The following CSMD1 variants were observed in gnomAD, a reference collection of about 807,000 sequenced individuals.
The protein encoded by CSMD1 is CUB and Sushi multiple domains 1.
In CSMD1, 213 loss-of-function variants were observed where a neutral mutation model predicts 417.5. The observed-to-expected ratio is 0.51, with a 90% CI of 0.46 to 0.57. The LOEUF is 0.57. CSMD1 is among the 20% of genes least tolerant of loss of function. The pLI, the probability that CSMD1 is intolerant of heterozygous loss-of-function variation, is 0.00. For synonymous variants in CSMD1, 2,862 were observed against 1,736.8 expected, an observed-to-expected ratio of 1.65 and a Z score of -16.11; for missense variants, 6,923 against 4,529.7, an observed-to-expected ratio of 1.53 and a Z score of -15.17.
At chr8:3,715,618 C>A (rs998443545) in intron 6 of CSMD1, among the ~76,000 whole-genome samples, 2 of 152,216 alleles carry the variant, frequency 1.3e-5, no homozygotes, top group Admixed American at 6.5e-5. Flanking sequence ...TCTGGACTCA[C>A]TGCAACCTCC....
chr8:4,131,470 A>G (rs1803099101), intron 3 of CSMD1, among the ~76,000 whole-genome samples: 2 of 152,230 alleles, frequency 1.3e-5, no homozygotes, highest in Non-Finnish European at 2.9e-5. Context: ...CTTAAAAAAT[A>G]AAAGTTTGAA....
rs115886267 is a variant in CSMD1, at chr8:3,092,882, G to C, written c.7139-1220C>G. 4.2e-3 allele frequency among the ~76,000 whole-genome samples: 628 copies of C among 148,800 alleles called. 1 individual carries two copies. Among genetic ancestry groups the C allele is most frequent in the African/African-American group, 0.014 (556 of 40,756 alleles). ...GTTCACTCCTAGGGAACACATTATG[G>C]ACTGGGAGAATGCAGCTCTCATTGT... is the stretch of plus-strand genomic sequence containing the variant. On this transcript the variant is annotated intron_variant, in intron 47 of 69. Coordinates refer to ENST00000635120, the MANE Select transcript of CSMD1 (RefSeq NM_033225.6).
chr8:4,135,371 AAAGTGGGAAAGAGGGGG>A (rs1803363017), intron 3 of CSMD1, among the ~76,000 whole-genome samples: 1 of 44,292 alleles, frequency 2.3e-5, no homozygotes, highest in Non-Finnish European at 4.4e-5. Context: ...AAGGAAGGGG[AAAGTGGGAAAGAGGGGG>A]AAGGAAGGGG....
At chr8:3,599,496 T>G (rs979590984) in intron 8 of CSMD1, among the ~76,000 whole-genome samples, 2 of 151,880 alleles carry the variant, frequency 1.3e-5, no homozygotes, top group East Asian at 1.9e-4. Context: ...CAACGCAGAG[T>G]TAGTAACCCC....
At chr8:3,919,598 G>C (rs56178023) in intron 5 of CSMD1, among the ~76,000 whole-genome samples, 1 of 152,044 alleles carries the variant, frequency 6.6e-6, no homozygotes, top group Non-Finnish European at 1.5e-5. Context: ...TCTTGCTCAA[G>C]ATTGCTTTGG....
chr8:4,181,977 G>A (rs1200633820), intron 3 of CSMD1, among the ~76,000 whole-genome samples: 3 of 137,484 alleles, frequency 2.2e-5, no homozygotes, highest in East Asian at 4.6e-4. Context: ...TGTGTGTGAT[G>A]TGTGTGTAAT....
intron 49 of CSMD1, among the ~76,000 whole-genome samples, chr8:3,080,297 T>C (rs1328792445): frequency 6.6e-6 from 1 of 152,320 alleles, no homozygotes; most frequent in East Asian, 1.9e-4. Context: ...ATAAGATTAG[T>C]GTGCTGATAA....
intron 12 of CSMD1, among the ~76,000 whole-genome samples, chr8:3,440,453 T>G (rs1295922218): frequency 2.0e-5 from 3 of 152,214 alleles, no homozygotes; most frequent in Admixed American, 1.3e-4. Context: ...GTGTTCATAT[T>G]ATTATATAGA....
At chr8:4,642,862 G>A (rs1465302338) in intron 1 of CSMD1, among the ~76,000 whole-genome samples, 1 of 152,180 alleles carries the variant, frequency 6.6e-6, no homozygotes, top group Admixed American at 6.5e-5. Flanking sequence ...ATTGGGTTTA[G>A]GGACTTAGAA....
At chr8:4,041,124 C>A (rs1233665011) in intron 3 of CSMD1, among the ~76,000 whole-genome samples, 1 of 147,552 alleles carries the variant, frequency 6.8e-6, no homozygotes, top group East Asian at 2.0e-4. Context: ...TCCCGCCATT[C>A]TCCTGCCTCA....
chr8:3,673,156 G>A (rs545140283), intron 7 of CSMD1, among the ~76,000 whole-genome samples: 2 of 152,194 alleles, frequency 1.3e-5, no homozygotes, highest in Non-Finnish European at 2.9e-5. Flanking sequence ...AAACTCTGAT[G>A]CTATGTCATT....
At chr8:4,151,273 G>C (rs112867039) in intron 3 of CSMD1, among the ~76,000 whole-genome samples, 5 of 152,240 alleles carry the variant, frequency 3.3e-5, no homozygotes, top group African/African-American at 1.2e-4. Flanking sequence ...GACTACTTTA[G>C]ACCATGCATG....
chr8:3,643,489 T>C (rs1160665914), intron 7 of CSMD1, among the ~76,000 whole-genome samples: 1 of 151,514 alleles, frequency 6.6e-6, no homozygotes, highest in African/African-American at 2.4e-5. Context: ...GATCACAAGG[T>C]CAGGAGATCG....
rs1007812050 is a variant in CSMD1 at position 4,446,783 on chromosome 8, GTGTGTGTGTGTGTA to G, written c.303-26732_303-26719del. Among the ~76,000 whole-genome samples, 71 of 140,504 alleles carry G rather than the reference GTGTGTGTGTGTGTA, an allele frequency of 5.1e-4. 3 individuals carry two copies. The South Asian group carries it at 0.013, about 26-fold the overall frequency. 92.2% of individuals were successfully genotyped at this position (140,504 alleles called of 152,430 possible). A position where few individuals can be genotyped will look rare whatever the true frequency, so the allele number is the denominator to read the frequency against. On this transcript the variant is annotated intron_variant, in intron 2 of 69. Coordinates refer to ENST00000635120, the MANE Select transcript of CSMD1 (RefSeq NM_033225.6). Reference sequence around the variant, plus strand: ...TGTGTGTGTGTGTGTGTGTGTGTGTGTGTGTGTGTGTGTATTTTTAGTAGAGCCAAGTTTTCTCC... The same window carrying G: ...TGTGTGTGTGTGTGTGTGTGTGTGTGTTTTTAGTAGAGCCAAGTTTTCTCC...
intron 11 of CSMD1, among the ~76,000 whole-genome samples, chr8:3,492,725 C>T (rs910233476): frequency 2.0e-5 from 3 of 152,126 alleles, no homozygotes; most frequent in East Asian, 1.9e-4. Context: ...CTGGTGAAAA[C>T]TGAGAAGTGG....
At chr8:4,904,467 G>A (rs566763319) in intron 1 of CSMD1, among the ~76,000 whole-genome samples, 2 of 152,122 alleles carry the variant, frequency 1.3e-5, no homozygotes, top group Non-Finnish European at 2.9e-5. Flanking sequence ...CATGTTCAAA[G>A]TCAAACAGCT....
intron 1 of CSMD1, among the ~76,000 whole-genome samples, chr8:4,765,126 C>T (rs556226292): frequency 2.6e-5 from 4 of 152,042 alleles, no homozygotes; most frequent in Admixed American, 6.6e-5. Flanking sequence ...CTTGGGTCTC[C>T]CTCTGATGTT....
intron 1 of CSMD1, among the ~76,000 whole-genome samples, chr8:4,941,241 C>T (rs11780090): frequency 0.51 from 77,625 of 151,840 alleles, 21,065 homozygotes; most frequent in East Asian, 0.79. Context: ...CATTGTAACA[C>T]TCTTTTGTTG....
chr8:3,544,672 C>G (rs1226158761), intron 10 of CSMD1, among the ~76,000 whole-genome samples: 1 of 152,100 alleles, frequency 6.6e-6, no homozygotes, highest in African/African-American at 2.4e-5. Context: ...GCAGACTTGC[C>G]TGGAGCTATT....
Sources: allele counts gnomAD v4.1 joint callset (sites outside exome capture counted in the v4.1 genomes callset), GRCh38; gene constraint gnomAD v4.1.1; transcripts MANE v1.5; gene names NCBI Gene and HGNC (gene_info 2026-07-23, HGNC 2026-07-21).